Variants in SMOC1 observed in about 807,000 individuals in gnomAD.
SMOC1 encodes the protein SPARC related modular calcium binding 1.
SMOC1 carries 22 observed loss-of-function variants against 56.3 expected under a neutral mutation model. That is an observed-to-expected ratio of 0.39 (90% CI 0.28 to 0.56). The LOEUF (loss-of-function observed/expected upper bound fraction) is 0.56, where lower values mean the gene tolerates loss of function less well. Ranked by LOEUF, SMOC1 falls within the 20% of genes least tolerant of loss-of-function variation. The pLI is 0.61. For missense variants in SMOC1, 509 were observed against 565.4 expected (o/e 0.90, Z 1.01); for synonymous variants, 193 against 215.0 (o/e 0.90, Z 0.89).
At chr14:70,000,718 G>A (rs1884936702) in intron 7 of SMOC1, among the ~76,000 whole-genome samples, 1 of 152,220 alleles carries the variant, frequency 6.6e-6, no homozygotes. Context: ...TGCGTGGGAA[G>A]GAAGCGGTCA....
intron 1 of SMOC1, among the ~76,000 whole-genome samples, chr14:69,924,794 G>A (rs1162487038): frequency 1.8e-4 from 1 of 5,418 alleles, no homozygotes; most frequent in African/African-American, 1.9e-3. Flanking sequence ...AGGGAGGTAG[G>A]GGAGGTAGGG....
chr14:69,893,987 TAAG>T (rs1884031105), intron 1 of SMOC1, among the ~76,000 whole-genome samples: 1 of 152,212 alleles, frequency 6.6e-6, no homozygotes, highest in South Asian at 2.1e-4. Context: ...ATCTTCAAGC[TAAG>T]GAGAGAAGCC....
At chr14:70,000,648 A>T (rs17107592) in intron 7 of SMOC1, among the ~76,000 whole-genome samples, 31,557 of 152,138 alleles carry the variant, frequency 0.21, 3,700 homozygotes, top group East Asian at 0.46. Context: ...CCATCCTGGA[A>T]GAAATATCCT....
chr14:69,974,051 C>T (rs1883871068), intron 3 of SMOC1, among the ~76,000 whole-genome samples: 1 of 152,068 alleles, frequency 6.6e-6, no homozygotes, highest in African/African-American at 2.4e-5. Context: ...TTGATGGAGA[C>T]CAAGAATTGA....
At chr14:69,891,549 T>G (rs1883961562) in intron 1 of SMOC1, among the ~76,000 whole-genome samples, 1 of 152,154 alleles carries the variant, frequency 6.6e-6, no homozygotes, top group Non-Finnish European at 1.5e-5. Flanking sequence ...GCAATCCCTC[T>G]TCCCTCCCTA....
chr14:69,984,512 A>G (rs893089914), intron 5 of SMOC1, among the ~76,000 whole-genome samples: 3 of 152,148 alleles, frequency 2.0e-5, no homozygotes, highest in Non-Finnish European at 4.4e-5. Flanking sequence ...GAGAATATAA[A>G]CAACTCTTAA....
intron 1 of SMOC1, among the ~76,000 whole-genome samples, chr14:69,882,505 C>A (rs1883670827): frequency 6.6e-6 from 1 of 152,150 alleles, no homozygotes; most frequent in African/African-American, 2.4e-5. Flanking sequence ...AGATTGGAGG[C>A]TATTATGTAG....
intron 5 of SMOC1, among the ~76,000 whole-genome samples, chr14:69,989,753 G>A (rs1197552535): frequency 6.6e-6 from 1 of 152,186 alleles, no homozygotes; most frequent in Non-Finnish European, 1.5e-5. Context: ...CCCAGTGTGG[G>A]GCCTGGTGTT....
chr14:69,978,657 C>G (rs1258360110), intron 5 of SMOC1, among the ~76,000 whole-genome samples: 1 of 152,018 alleles, frequency 6.6e-6, no homozygotes, highest in East Asian at 1.9e-4. Flanking sequence ...TAGGACAATA[C>G]TAAGTAGCAA....
intron 7 of SMOC1, among the ~76,000 whole-genome samples, chr14:70,005,459 T>C (rs1358896275): frequency 6.6e-6 from 1 of 152,134 alleles, no homozygotes; most frequent in Non-Finnish European, 1.5e-5. Context: ...TCTTTTTTCC[T>C]CTCCTGTCTC....
At chr14:70,029,866 C>G (rs1000796636) in intron 11 of SMOC1, among the ~76,000 whole-genome samples, 1 of 152,180 alleles carries the variant, frequency 6.6e-6, no homozygotes, top group East Asian at 1.9e-4. Context: ...CACCTGTAAA[C>G]AAACCCCTGT....
chr14:69,924,399 G>T (rs1338487054), intron 1 of SMOC1, among the ~76,000 whole-genome samples: 1 of 152,138 alleles, frequency 6.6e-6, no homozygotes, highest in Non-Finnish European at 1.5e-5. Context: ...GAAATCACTG[G>T]TCTATACTTC....
intron 5 of SMOC1, among the ~76,000 whole-genome samples, chr14:69,990,122 T>A (rs1371968196): frequency 1.3e-5 from 2 of 152,198 alleles, no homozygotes; most frequent in Non-Finnish European, 2.9e-5. Context: ...TCTGACTACA[T>A]CTGGGAAATC....
intron 1 of SMOC1, among the ~76,000 whole-genome samples, chr14:69,945,176 G>A (rs563848366): frequency 1.6e-4 from 24 of 152,200 alleles, no homozygotes; most frequent in Non-Finnish European, 2.2e-4. Context: ...GCTGTGTTAC[G>A]CCCTATGTAT....
At chr14:69,938,197 T>A (rs150116249) in intron 1 of SMOC1, among the ~76,000 whole-genome samples, 1 of 152,176 alleles carries the variant, frequency 6.6e-6, no homozygotes, top group Non-Finnish European at 1.5e-5. Flanking sequence ...ATACCAGTTC[T>A]CCATTTTGTT....
chr14:69,902,570 T>C (rs1432831929), intron 1 of SMOC1, among the ~76,000 whole-genome samples: 3 of 152,260 alleles, frequency 2.0e-5, no homozygotes, highest in South Asian at 4.1e-4. Context: ...ACCTCTGCCC[T>C]GAGACCACCC....
At chr14:69,954,769 C>T (rs1375691279) in intron 3 of SMOC1, among the ~76,000 whole-genome samples, 7 of 152,082 alleles carry the variant, frequency 4.6e-5, no homozygotes, top group South Asian at 4.1e-4. Context: ...GTCTTAGAGC[C>T]GGGGCAGAGG....
Position 70,010,885 on chromosome 14 carries a change from A to G in SMOC1, c.796A>G (p.Thr266Ala). 6.2e-7 allele frequency: 1 copy of G among 1,613,880 alleles called. No individual in the cohort carries two copies. Among genetic ancestry groups the G allele is most frequent in the African/African-American group, 1.3e-5 (1 of 75,048 alleles). ...TAAGCCAGTGCAATGCCACCAGTCCACTGGCTACTGCTGGTGTGTGCTGGT... is the reference window on the plus strand; with the variant it reads ...TAAGCCAGTGCAATGCCACCAGTCCGCTGGCTACTGCTGGTGTGTGCTGGT... ...LYKPVQCHQS[T>A]GYCWCVLVDT... is the part of the protein sequence containing the mutation. Residue 266 changes from threonine (T) to alanine (A), a missense_variant, in exon 8 of 12, where the codon ACT becomes GCT. Around this residue, in one of 3 missense-constraint regions of SMOC1, gnomAD observed 18 missense variants for 44.2 expected, o/e 0.41. Coordinates refer to ENST00000361956, the MANE Select transcript of SMOC1 (RefSeq NM_001034852.3).
chr14:69,972,663 A>C (rs1156923795), intron 3 of SMOC1, among the ~76,000 whole-genome samples: 1 of 152,236 alleles, frequency 6.6e-6, no homozygotes, highest in East Asian at 1.9e-4. Flanking sequence ...GACAGTGTTC[A>C]TGTGCCCACT....
Sources: allele counts gnomAD v4.1 joint callset (sites outside exome capture counted in the v4.1 genomes callset), GRCh38; gene constraint gnomAD v4.1.1; regional missense constraint gnomAD v4.1.1; transcripts MANE v1.5; gene names NCBI Gene and HGNC (gene_info 2026-07-23, HGNC 2026-07-21).